Variants in NFATC1 observed in about 807,000 individuals in gnomAD.
NFATC1 encodes nuclear factor of activated T cells 1, also known as nuclear factor of activated T-cells, cytoplasmic 1.
NFATC1 carries 22 observed loss-of-function variants against 76.0 expected under a neutral mutation model. The observed-to-expected ratio is 0.29, with a 90% confidence interval of 0.21 to 0.41. NFATC1 has a LOEUF of 0.41. Ranked by LOEUF, NFATC1 falls within the 10% of genes least tolerant of loss-of-function variation. The pLI is 1.00. For missense variants in NFATC1, 1,357 were observed against 1,337.7 expected (o/e 1.01, Z -0.23); for synonymous variants, 704 against 613.1 (o/e 1.15, Z -2.19).
At position 79,484,351 on chromosome 18, in the gene NFATC1, C is replaced by T. The variant is rs1442411961; in HGVS notation, c.2093-1897C>T. ...GCCCTGGTCAGTGAGCTGCAGGCTG[C>T]GTCCTGGGAAGGCCTTGGAATCACA... On this transcript the variant is annotated intron_variant, in intron 8 of 9. Transcript: ENST00000427363. Among the ~76,000 whole-genome samples, 9 of 152,190 alleles carry T rather than the reference C, an allele frequency of 5.9e-5. 1 individual carries two copies. Among genetic ancestry groups the T allele is most frequent in the African/African-American group, 9.6e-5 (4 of 41,498 alleles).
At chr18:79,398,846 A>G (rs993831070) in intron 1 of NFATC1, among the ~76,000 whole-genome samples, 4 of 152,246 alleles carry the variant, frequency 2.6e-5, no homozygotes, top group Non-Finnish European at 4.4e-5. Context: ...AGGCAAGCGG[A>G]TCACGAGGTC....
In NFATC1 at chr18:79,396,170, G is replaced by C; in HGVS notation, c.-55G>C. 7.2e-7 allele frequency: 1 copy of C among 1,397,406 alleles called. No individual in the cohort carries two copies. Among genetic ancestry groups the C allele is most frequent in the Admixed American group, 2.7e-5 (1 of 36,706 alleles). The allele number at this position is 1,397,406 out of a possible 1,614,324, so 86.6% of individuals were successfully genotyped here. On this transcript the variant is annotated 5_prime_UTR_variant, in exon 1 of 10. Coordinates refer to ENST00000427363, the MANE Select transcript of NFATC1 (RefSeq NM_001278669.2). ...AGACCCGACCCCGGCAGCGCGGGGC[G>C]GCCGCTTCTCCTGTGCCTCCGCCCG... is the stretch of plus-strand genomic sequence containing the variant.
chr18:79,435,059 G>A (rs1159833423), intron 3 of NFATC1, among the ~76,000 whole-genome samples: 1 of 152,198 alleles, frequency 6.6e-6, no homozygotes, highest in East Asian at 1.9e-4. Flanking sequence ...CCCCATCCCT[G>A]CCTCGGTTTT....
chr18:79,505,691 G>A, intron 9 of NFATC1, among the ~76,000 whole-genome samples: 1 of 143,254 alleles, frequency 7.0e-6, no homozygotes, highest in African/African-American at 2.8e-5. Context: ...CTGTGTGGGA[G>A]GAGGTGGTGC....
chr18:79,413,691 C>T (rs1051449345), intron 2 of NFATC1, among the ~76,000 whole-genome samples: 3 of 152,238 alleles, frequency 2.0e-5, no homozygotes, highest in African/African-American at 7.2e-5. Flanking sequence ...AAATGGCAGG[C>T]AGCCTTTGAA....
chr18:79,522,479 G>A (rs2090637717), intron 9 of NFATC1, among the ~76,000 whole-genome samples: 1 of 118,804 alleles, frequency 8.4e-6, no homozygotes, highest in African/African-American at 3.3e-5. Flanking sequence ...ATGTCTGTGT[G>A]TGGAGGGTAT....
chr18:79,447,487 G>A (rs1165153928), intron 3 of NFATC1, among the ~76,000 whole-genome samples: 3 of 152,244 alleles, frequency 2.0e-5, no homozygotes, highest in South Asian at 2.1e-4. Flanking sequence ...GACTCCAAAC[G>A]TGATCAGAGG....
rs1162533878 is a variant in NFATC1 at position 79,465,416 on chromosome 18, C to T, written c.1960-2034C>T. On this transcript the variant is annotated intron_variant, in intron 7 of 9. Coordinates refer to ENST00000427363, the MANE Select transcript of NFATC1 (RefSeq NM_001278669.2). This position sits in a 1 kb window ranked among gnomAD's most constrained non-coding sequence, Gnocchi z 4.2. ...CATCCAGCCTGCCTCACGGGGTCCC[C>T]GCCTCCACCCAGTCTGGCCCACAAG... 1.3e-5 allele frequency among the ~76,000 whole-genome samples: 2 copies of T among 152,116 alleles called. No individual in the cohort carries two copies. Among genetic ancestry groups the T allele is most frequent in the East Asian group, 1.9e-4 (1 of 5,184 alleles).
At chr18:79,412,507 C>T (rs2085730733) in intron 2 of NFATC1, among the ~76,000 whole-genome samples, 1 of 152,090 alleles carries the variant, frequency 6.6e-6, no homozygotes, top group Admixed American at 6.5e-5. Flanking sequence ...GGGCGAGACC[C>T]CGCAGAGCGG....
At chr18:79,400,381 C>T in intron 1 of NFATC1, 2 of 1,479,782 alleles carry the variant, frequency 1.4e-6, no homozygotes, top group East Asian at 3.0e-5. Flanking sequence ...CCGGCCCCGG[C>T]CCGACCCGCC....
intron 9 of NFATC1, among the ~76,000 whole-genome samples, chr18:79,509,017 G>T (rs1007575082): frequency 7.2e-5 from 11 of 152,142 alleles, no homozygotes; most frequent in Non-Finnish European, 1.5e-5. Context: ...CCACTGCCGT[G>T]CCAGGTGTCT....
chr18:79,478,117 G>C (rs1399212509), intron 8 of NFATC1, among the ~76,000 whole-genome samples: 9 of 87,350 alleles, frequency 1.0e-4, no homozygotes, highest in African/African-American at 4.3e-4. Context: ...TTGCCCCCAG[G>C]CCCCCCCCCG....
chr18:79,408,840 C>T (rs1265131296), intron 1 of NFATC1, among the ~76,000 whole-genome samples: 1 of 151,844 alleles, frequency 6.6e-6, no homozygotes, highest in Non-Finnish European at 1.5e-5. Flanking sequence ...ATCCATCCAT[C>T]ATCCATCCAT....
intron 3 of NFATC1, among the ~76,000 whole-genome samples, chr18:79,437,539 G>A (rs952568820): frequency 6.6e-6 from 1 of 152,232 alleles, no homozygotes; most frequent in African/African-American, 2.4e-5. Flanking sequence ...GGGGGCGTCC[G>A]CCTGCTGTCT....
rs559279697 is a variant in NFATC1, at chr18:79,404,475, C to T, written c.128-5928C>T. ...CCAACAGCAAGGTCTTGGCGTGGAT[C>T]GCCCTGCTTCGTTTTGTTTTATTTC... is the stretch of plus-strand genomic sequence containing the variant. On this transcript the variant is annotated intron_variant, in intron 1 of 9. Coordinates refer to ENST00000427363, the MANE Select transcript of NFATC1 (RefSeq NM_001278669.2). Among the ~76,000 whole-genome samples the T allele has an allele frequency of 5.3e-5, 8 of 149,644 alleles. 1 individual carries two copies. The East Asian group carries it at 1.4e-3, about 25-fold the overall frequency.
chr18:79,509,127 C>T (rs1037084538), intron 9 of NFATC1, among the ~76,000 whole-genome samples: 3 of 152,362 alleles, frequency 2.0e-5, no homozygotes, highest in Non-Finnish European at 2.9e-5. Flanking sequence ...TTGCAGCCTC[C>T]GCAGAGGTGT....
At chr18:79,433,522 TGGCCCG>T (rs2086668729) in intron 2 of NFATC1, 51 bp from the exon 3 acceptor site, 1 of 1,603,438 alleles carries the variant, frequency 6.2e-7, no homozygotes, top group Admixed American at 1.7e-5. Context: ...CGGGCACGTG[TGGCCCG>T]GGCGAGGTCT....
chr18:79,515,307 C>G (rs2090351493), intron 9 of NFATC1, among the ~76,000 whole-genome samples: 1 of 150,040 alleles, frequency 6.7e-6, no homozygotes, highest in South Asian at 2.1e-4. Context: ...CCACTGCACT[C>G]CTGCCTGGGT....
Position 79,454,969 on chromosome 18 carries a change from G to A in NFATC1, c.1903+3153G>A, listed in dbSNP as rs1280178890. On this transcript the variant is annotated intron_variant, in intron 6 of 9. Transcript: ENST00000427363. Reference sequence around the variant, plus strand: ...GGCACCTCTCTGTACACGCGTGAACGTTGAAGCTGCTGAGGGACACACTAA... The same window carrying A: ...GGCACCTCTCTGTACACGCGTGAACATTGAAGCTGCTGAGGGACACACTAA... 5.9e-5 allele frequency among the ~76,000 whole-genome samples: 9 copies of A among 151,742 alleles called. No homozygotes were observed. The South Asian group carries it at 1.1e-3, about 18-fold the overall frequency.
Sources: allele counts gnomAD v4.1 joint callset (sites outside exome capture counted in the v4.1 genomes callset), GRCh38; gene constraint gnomAD v4.1.1; non-coding constraint Gnocchi (gnomAD v3.1); transcripts MANE v1.5; gene names NCBI Gene and HGNC (gene_info 2026-07-23, HGNC 2026-07-21).